GCN1: variants seen among roughly 807,000 people sequenced by gnomAD.
The protein encoded by GCN1 is stalled ribosome sensor GCN1.
Under a neutral mutation model 288.4 loss-of-function variants are expected in GCN1, and 90 were observed. The observed-to-expected ratio is 0.31, with a 90% CI of 0.26 to 0.37. The LOEUF (loss-of-function observed/expected upper bound fraction) is 0.37, where lower values mean the gene tolerates loss of function less well. GCN1 is among the 10% of genes least tolerant of loss of function. GCN1 has a pLI of 1.00. For missense variants in GCN1, 2,586 were observed against 3,419.9 expected (o/e 0.76, Z 6.08); for synonymous variants, 1,386 against 1,420.2 (o/e 0.98, Z 0.54).
chr12:120,160,127 G>T lies in GCN1; in HGVS notation c.2550+15C>A. 6.2e-7 allele frequency: 1 copy of T among 1,600,714 alleles called. No individual in the cohort carries two copies. Among genetic ancestry groups the T allele is most frequent in the Non-Finnish European group, 8.6e-7 (1 of 1,168,402 alleles). On this transcript the variant is annotated intron_variant, in intron 23 of 57. Coordinates refer to ENST00000300648, the MANE Select transcript of GCN1 (RefSeq NM_006836.2). ...ACTCTTCCGGCTTGAGCATGTGGCG[G>T]AGGTGGCCACTCACCTCCTGCAGCC...
chr12:120,170,891 T>C (rs981131024), intron 14 of GCN1, among the ~76,000 whole-genome samples: 2 of 151,712 alleles, frequency 1.3e-5, no homozygotes, highest in African/African-American at 2.4e-5. Flanking sequence ...CCAAGCACAG[T>C]GGCTCATGCC....
intron 1 of GCN1, among the ~76,000 whole-genome samples, chr12:120,193,971 C>A (rs560641566): frequency 6.6e-6 from 1 of 152,360 alleles, no homozygotes; most frequent in East Asian, 1.9e-4. Context: ...AACATAACAA[C>A]TGGGTGGAGG....
At chr12:120,176,315 T>A in intron 9 of GCN1, 98 bp from the exon 10 acceptor site, 1 of 765,472 alleles carries the variant, frequency 1.3e-6, no homozygotes, top group Non-Finnish European at 2.3e-6. Flanking sequence ...CTAGGCCTGC[T>A]GTCTGGCCCT....
rs537733469 is a variant in GCN1, at chr12:120,184,322, T to C, written c.186-79A>G. ...GGGCAAGGCTGCTCAGGCCATACACTGGTCTTTCTCAGGAGAAACTGATCA... is the reference window on the plus strand; with the variant it reads ...GGGCAAGGCTGCTCAGGCCATACACCGGTCTTTCTCAGGAGAAACTGATCA... On this transcript the variant is annotated intron_variant, in intron 3 of 57. Transcript: ENST00000300648. 6.1e-5 allele frequency: 78 copies of C among 1,282,808 alleles called. No homozygotes were observed. In the African/African-American group the frequency reaches 1.0e-3, roughly 17 times the overall value. 79.5% of individuals were successfully genotyped at this position (1,282,808 alleles called of 1,614,324 possible).
In GCN1 at chr12:120,144,920, T is replaced by A; in HGVS notation, c.5155+3A>T. On this transcript the variant is annotated splice_donor_region_variant and intron_variant, in intron 40 of 57. Transcript: ENST00000300648. This position sits in a 1 kb window ranked among gnomAD's most constrained non-coding sequence, Gnocchi z 4.7. ...CTGGCCACTGGACCTGCTCTGGCCT[T>A]ACCCTGTGCAGCGCCTGAGCGATCC... is the stretch of plus-strand genomic sequence containing the variant. 1 of 1,614,184 alleles carries A rather than the reference T, an allele frequency of 6.2e-7. No homozygotes were observed. The highest frequency in any genetic ancestry group is 8.5e-7 in the Non-Finnish European group (1 of 1,180,026).
rs2139134933 is a variant in GCN1, at chr12:120,178,903, G to A, written c.474C>T (p.His158=). 6.2e-7 allele frequency: 1 copy of A among 1,614,056 alleles called. No individual in the cohort carries two copies. The highest frequency in any genetic ancestry group is 1.3e-5 in the African/African-American group (1 of 75,066). Residue 158 remains histidine (H), a synonymous_variant, in exon 6 of 58, where the codon CAC becomes CAT. Coordinates refer to ENST00000300648, the MANE Select transcript of GCN1 (RefSeq NM_006836.2). ...TCACAGCACCATCCACGGCGTGCTT[G>A]TGGGAGCCACCCAGCACCTCCAGCA... ...LLLLEVLGGS[H]KHAVDGAVKK... is the part of the protein sequence containing the mutation.
At position 120,138,687 on chromosome 12, in the gene GCN1, C is replaced by A; in HGVS notation, c.6156+8G>T. 6.2e-7 allele frequency: 1 copy of A among 1,611,166 alleles called. No homozygotes were observed. The highest frequency in any genetic ancestry group is 1.1e-5 in the South Asian group (1 of 90,828). ...ACTGGTAGGTAGGTGTGTGGTAGAT[C>A]CACTCACCAGCTGCTTTAGTAAAAA... On this transcript the variant is annotated splice_region_variant and intron_variant, in intron 46 of 57. Transcript: ENST00000300648.
chr12:120,188,903 C>A (rs1406091450), intron 2 of GCN1, among the ~76,000 whole-genome samples: 1 of 151,836 alleles, frequency 6.6e-6, no homozygotes, highest in Non-Finnish European at 1.5e-5. Context: ...AAGGTTTTAG[C>A]TATCTTTTTT....
chr12:120,175,926 C>T, intron 10 of GCN1, 52 bp from the exon 11 acceptor site: 1 of 1,577,176 alleles, frequency 6.3e-7, no homozygotes, highest in Middle Eastern at 1.7e-4. Flanking sequence ...AGCATCCAGA[C>T]TTTCGTCTTT....
rs35405952 is a variant in GCN1, at chr12:120,179,486, G to A, written c.427-536C>T. Among the ~76,000 whole-genome samples, 1,049 of 149,112 alleles carry A rather than the reference G, an allele frequency of 7.0e-3. 6 individuals carry two copies. The highest frequency in any genetic ancestry group is 0.011 in the Admixed American group (166 of 14,744). On this transcript the variant is annotated intron_variant, in intron 5 of 57. Transcript: ENST00000300648. ...GCGATCTCAGCTCACTGCAAGCTCC[G>A]CCTCACGGGTTCACACCATTCTCCT...
At position 120,153,839 on chromosome 12, in the gene GCN1, G is replaced by C. The variant is rs1298734849; in HGVS notation, c.3772C>G (p.Gln1258Glu). ...TTGAGGGCATCAGGGACAAAAAACT[G>C]AAAGAGTGGCTTCACCTGAGAGCTG... ...LDSSQVKPLF[Q>E]FFVPDALNDR... Residue 1258 changes from glutamine (Q) to glutamate (E), a missense_variant, in exon 32 of 58, where the codon CAG becomes GAG. This residue lies in a region of GCN1 where 332 missense variants were observed against 403.0 expected (regional missense o/e 0.82). Transcript: ENST00000300648. The surrounding 1 kb of genome is among the most constrained non-coding windows in gnomAD (Gnocchi z 4.4). 6 of 1,613,962 alleles carry C rather than the reference G, an allele frequency of 3.7e-6. No individual in the cohort carries two copies. The highest frequency in any genetic ancestry group is 1.6e-4 in the Middle Eastern group (1 of 6,084).
chr12:120,155,379 C>G lies in GCN1; in HGVS notation c.3492G>C (p.Leu1164=). 1 of 1,614,140 alleles carries G rather than the reference C, an allele frequency of 6.2e-7. No homozygotes were observed. Among genetic ancestry groups the G allele is most frequent in the South Asian group, 1.1e-5 (1 of 91,086 alleles). Residue 1164 remains leucine, a synonymous_variant, in exon 30 of 58, where the codon CTG becomes CTC. Coordinates refer to ENST00000300648, the MANE Select transcript of GCN1 (RefSeq NM_006836.2). The surrounding 1 kb of genome is among the most constrained non-coding windows in gnomAD (Gnocchi z 4.9). ...LDLQPDLCSL[L]IDDVIYHEAA... is the part of the protein sequence containing the mutation. ...CCTCATGATAGATCACGTCGTCAAT[C>G]AGCAAGGAGCAGAGGTCTGGCTGCA...
chr12:120,173,010 A>G (rs1377303407), intron 14 of GCN1, among the ~76,000 whole-genome samples: 1 of 151,762 alleles, frequency 6.6e-6, no homozygotes, highest in Non-Finnish European at 1.5e-5. Flanking sequence ...GTCATTTTTA[A>G]TAAGTCCAGA....
chr12:120,128,942 C>T (rs1038185926), intron 57 of GCN1, among the ~76,000 whole-genome samples: 10 of 148,974 alleles, frequency 6.7e-5, no homozygotes, highest in South Asian at 2.1e-4. Flanking sequence ...CCTGGGTTCA[C>T]GCCATTCTCC....
intron 37 of GCN1, among the ~76,000 whole-genome samples, chr12:120,147,765 G>T (rs1461096121): frequency 6.6e-6 from 1 of 152,170 alleles, no homozygotes; most frequent in African/African-American, 2.4e-5. Context: ...GTGGCTGGCT[G>T]GGTTTTGTTC....
intron 56 of GCN1, 142 bp downstream of exon 56, chr12:120,130,504 A>C: frequency 1.6e-6 from 1 of 636,416 alleles, no homozygotes; most frequent in Non-Finnish European, 2.9e-6. Flanking sequence ...TTCCATCCCT[A>C]AGTGTTCAGC....
In GCN1 at chr12:120,136,539, G is replaced by A. The variant is rs201840533; in HGVS notation, c.6971C>T (p.Ala2324Val). 1.8e-4 allele frequency: 298 copies of A among 1,614,006 alleles called. 1 individual carries two copies. In the Admixed American group the frequency reaches 2.4e-3, roughly 13 times the overall value. The change falls in exon 51 of 58, where the codon GCG (alanine) becomes GTG (valine). Residue 2324 changes from alanine (A) to valine (V), a missense_variant. Ala to Val is a moderately conservative substitution (Grantham distance 64, BLOSUM62 0). Around this residue, in one of 8 missense-constraint regions of GCN1, gnomAD observed 17 missense variants for 52.8 expected, o/e 0.32. Transcript: ENST00000300648. ...GAGGCTGAGTGTCTCGAGCAGAGCC[G>A]CCTTCACATTCCAGCTGAACCTGTC... ...LGDRFSWNVK[A>V]ALLETLSLLL...
At chr12:120,186,975 GAGGGCTCTGC>G (rs1878839571) in intron 2 of GCN1, among the ~76,000 whole-genome samples, 1 of 152,188 alleles carries the variant, frequency 6.6e-6, no homozygotes, top group Non-Finnish European at 1.5e-5. Flanking sequence ...TTTCTAACTA[GAGGGCTCTGC>G]TGGGAAAGTG....
intron 5 of GCN1, among the ~76,000 whole-genome samples, chr12:120,181,230 C>T (rs1020765148): frequency 6.6e-6 from 1 of 151,948 alleles, no homozygotes; most frequent in Non-Finnish European, 1.5e-5. Flanking sequence ...CTTTGGAAGA[C>T]CGCAGCAGGT....
Sources: gnomAD v4.1 joint callset for allele counts (sites outside exome capture counted in the v4.1 genomes callset) on GRCh38, gnomAD v4.1.1 for gene constraint, gnomAD v4.1.1 regional missense constraint, Gnocchi (gnomAD v3.1) non-coding constraint, MANE v1.5 for transcripts, NCBI Gene and HGNC (gene_info 2026-07-23, HGNC 2026-07-21) for gene names.